The following ADAMTSL1 variants were observed in gnomAD, a reference collection of about 807,000 sequenced individuals.
The protein encoded by ADAMTSL1 is ADAMTS-like protein 1.
ADAMTSL1 carries 126 observed loss-of-function variants against 201.8 expected under a neutral mutation model. The ratio of observed to expected loss-of-function variants is 0.62; its 90% CI spans 0.54 to 0.72. The LOEUF (loss-of-function observed/expected upper bound fraction) is 0.72, where lower values mean the gene tolerates loss of function less well. ADAMTSL1 is among the 30% of genes least tolerant of loss of function. ADAMTSL1 has a pLI of 0.00. For missense variants in ADAMTSL1, 2,679 were observed against 2,277.8 expected (o/e 1.18, Z -3.59); for synonymous variants, 1,121 against 903.4 (o/e 1.24, Z -4.32).
chr9:18,654,832 T>C (rs1439374816), intron 7 of ADAMTSL1, among the ~76,000 whole-genome samples: 6 of 152,242 alleles, frequency 3.9e-5, no homozygotes, highest in Admixed American at 3.9e-4. Flanking sequence ...TGATGTATGT[T>C]CACTGTTTCC....
rs928228902 is a variant in ADAMTSL1, at chr9:18,134,401, A to G, written c.88-29461A>G. On this transcript the variant is annotated intron_variant, in intron 1 of 29. Coordinates refer to the ADAMTSL1 transcript ENST00000680146. ...AGCCATTATCTAATTTTGGCTTCAG[A>G]TTCAATTCTGGTTATTGACAAATGG... Among the ~76,000 whole-genome samples, 9 of 152,324 alleles carry G rather than the reference A, an allele frequency of 5.9e-5. No homozygotes were observed. In the East Asian group the frequency reaches 1.5e-3, roughly 26 times the overall value.
At chr9:18,855,224 G>A (rs1361003832) in intron 23 of ADAMTSL1, among the ~76,000 whole-genome samples, 1 of 152,162 alleles carries the variant, frequency 6.6e-6, no homozygotes, top group Non-Finnish European at 1.5e-5. Flanking sequence ...ATCACATCTT[G>A]GCACGAATAA....
At chr9:18,895,245 A>G (rs1054111095) in intron 26 of ADAMTSL1, among the ~76,000 whole-genome samples, 1 of 152,096 alleles carries the variant, frequency 6.6e-6, no homozygotes, top group African/African-American at 2.4e-5. Context: ...AAATTAGGAC[A>G]CTCCAAGTCC....
chr9:18,263,557 C>T (rs1455091620), intron 2 of ADAMTSL1, among the ~76,000 whole-genome samples: 2 of 152,190 alleles, frequency 1.3e-5, no homozygotes, highest in African/African-American at 2.4e-5. Flanking sequence ...CACATTCCAG[C>T]CTGACCGCAA....
chr9:18,884,085 T>TG (rs200735171), intron 23 of ADAMTSL1, among the ~76,000 whole-genome samples: 3,946 of 152,318 alleles, frequency 0.026, 120 homozygotes, highest in South Asian at 0.13. Flanking sequence ...ATTTATATTT[T>TG]GGGTTTCTTT....
intron 1 of ADAMTSL1, among the ~76,000 whole-genome samples, chr9:17,961,715 C>T (rs1817758672): frequency 6.6e-6 from 1 of 152,152 alleles, no homozygotes; most frequent in Non-Finnish European, 1.5e-5. Flanking sequence ...TGTGAAGCAT[C>T]AGGGGTGAAA....
At chr9:18,332,305 T>A (rs561458519) in intron 2 of ADAMTSL1, among the ~76,000 whole-genome samples, 24 of 152,172 alleles carry the variant, frequency 1.6e-4, no homozygotes, top group Admixed American at 1.3e-3. Context: ...ATTTTATATT[T>A]AGGGATGGGT....
At chr9:18,006,862 T>A (rs1173957356) in intron 1 of ADAMTSL1, among the ~76,000 whole-genome samples, 2 of 152,008 alleles carry the variant, frequency 1.3e-5, no homozygotes, top group South Asian at 2.1e-4. Context: ...ATTTACTTTA[T>A]CTTGAACAAA....
Position 18,681,700 on chromosome 9 carries a change from G to GGAGT in ADAMTSL1, c.1342-111_1342-110insAGTG. 4 of 673,508 alleles carry GGAGT rather than the reference G, an allele frequency of 5.9e-6. 1 individual carries two copies. Among genetic ancestry groups the GGAGT allele is most frequent in the South Asian group, 3.4e-5 (1 of 29,568 alleles). The allele number at this position is 673,508 out of a possible 1,614,324, so 41.7% of individuals were successfully genotyped here. On this transcript the variant is annotated intron_variant, in intron 11 of 28. Coordinates refer to ENST00000380548, the MANE Select transcript of ADAMTSL1 (RefSeq NM_001040272.6). ...AAATTTACCAGGAGTCCTCGTGTGG[G>GGAGT]GGGGGGGGGCGGGGAAAAAGAAAAC...
At chr9:18,511,080 C>G (rs1223552561) in intron 2 of ADAMTSL1, among the ~76,000 whole-genome samples, 4 of 151,986 alleles carry the variant, frequency 2.6e-5, no homozygotes, top group African/African-American at 7.2e-5. Context: ...AAGTCAATGC[C>G]AAGACCAGGC....
intron 1 of ADAMTSL1, among the ~76,000 whole-genome samples, chr9:18,145,723 C>T (rs1826610392): frequency 6.6e-6 from 1 of 152,058 alleles, no homozygotes; most frequent in African/African-American, 2.4e-5. Flanking sequence ...ATACCAAAAG[C>T]ATGATCCATG....
At chr9:17,916,335 G>C (rs893994252) in intron 1 of ADAMTSL1, among the ~76,000 whole-genome samples, 10 of 152,142 alleles carry the variant, frequency 6.6e-5, no homozygotes, top group African/African-American at 2.4e-4. Context: ...TTTTGATGAA[G>C]TTGAATTTAT....
intron 2 of ADAMTSL1, among the ~76,000 whole-genome samples, chr9:18,284,368 T>A (rs1206592286): frequency 6.6e-6 from 1 of 152,222 alleles, no homozygotes; most frequent in East Asian, 1.9e-4. Flanking sequence ...TTTTAGCATA[T>A]TCGGTTTTAG....
intron 2 of ADAMTSL1, among the ~76,000 whole-genome samples, chr9:18,198,937 T>C (rs1292531092): frequency 7.0e-6 from 1 of 141,952 alleles, no homozygotes; most frequent in African/African-American, 2.6e-5. Context: ...CCATAAAAAA[T>C]GATGAGTTCA....
chr9:18,865,104 T>C (rs1467273831), intron 23 of ADAMTSL1, among the ~76,000 whole-genome samples: 2 of 152,216 alleles, frequency 1.3e-5, no homozygotes, highest in Non-Finnish European at 2.9e-5. Context: ...ATTTGTTACA[T>C]ATGTACACAT....
Position 18,843,163 on chromosome 9 carries a change from T to C in ADAMTSL1, c.4249+13186T>C, listed in dbSNP as rs916218782. Among the ~76,000 whole-genome samples, 152 of 151,018 alleles carry C rather than the reference T, an allele frequency of 1.0e-3. 8 individuals carry two copies. Among genetic ancestry groups the C allele is most frequent in the African/African-American group, 3.4e-3 (136 of 40,342 alleles). ...TTTACAATTTGGCATGATTTTGCAGTGGCTGGTACCGGTTGTTCCTTTCCA... is the reference window on the plus strand; with the variant it reads ...TTTACAATTTGGCATGATTTTGCAGCGGCTGGTACCGGTTGTTCCTTTCCA... On this transcript the variant is annotated intron_variant, in intron 23 of 28. Transcript: ENST00000380548.
chr9:18,852,119 C>T (rs1441148761), intron 23 of ADAMTSL1, among the ~76,000 whole-genome samples: 2 of 152,190 alleles, frequency 1.3e-5, no homozygotes, highest in African/African-American at 2.4e-5. Context: ...ATGCTCTCTA[C>T]TGGGGTCCTT....
chr9:18,709,280 T>C (rs1832415896), intron 14 of ADAMTSL1, among the ~76,000 whole-genome samples: 1 of 152,228 alleles, frequency 6.6e-6, no homozygotes, highest in African/African-American at 2.4e-5. Context: ...CAAGTCTTTG[T>C]TCGACAGTAA....
At chr9:18,556,418 A>C (rs933107750) in intron 3 of ADAMTSL1, among the ~76,000 whole-genome samples, 1 of 152,022 alleles carries the variant, frequency 6.6e-6, no homozygotes, top group African/African-American at 2.4e-5. Flanking sequence ...AATCATGCAA[A>C]TCTTACTCTA....
Sources: allele counts gnomAD v4.1 joint callset (sites outside exome capture counted in the v4.1 genomes callset), GRCh38; gene constraint gnomAD v4.1.1; transcripts MANE v1.5; gene names NCBI Gene and HGNC (gene_info 2026-07-23, HGNC 2026-07-21).